The following PHKB variants were observed in gnomAD, a reference collection of about 807,000 sequenced individuals.
PHKB encodes the protein phosphorylase kinase regulatory subunit beta, also known as phosphorylase b kinase regulatory subunit beta.
In PHKB, 122 loss-of-function variants were observed where a neutral mutation model predicts 152.1. The ratio of observed to expected loss-of-function variants is 0.80; its 90% confidence interval spans 0.69 to 0.93. The LOEUF is 0.93. PHKB is among the 40% of genes least tolerant of loss of function. The probability of loss-of-function intolerance (pLI) is 0.00; values close to 1 mark genes in which losing one functional copy is unlikely to be tolerated. For missense variants in PHKB, 1,304 were observed against 1,328.4 expected, an observed-to-expected ratio of 0.98 and a Z score of 0.29; for synonymous variants, 436 against 464.9, an observed-to-expected ratio of 0.94 and a Z score of 0.80.
At chr16:47,670,974 C>T (rs192356277) in intron 26 of PHKB, among the ~76,000 whole-genome samples, 1 of 152,214 alleles carries the variant, frequency 6.6e-6, no homozygotes, top group Admixed American at 6.5e-5. Flanking sequence ...ATATTATCAT[C>T]TGGTCCGTCT....
At chr16:47,485,901 G>A (rs757674921) in intron 1 of PHKB, among the ~76,000 whole-genome samples, 44 of 151,572 alleles carry the variant, frequency 2.9e-4, no homozygotes, top group Non-Finnish European at 4.3e-4. Flanking sequence ...GATTATAGGC[G>A]TGAGCCACTG....
chr16:47,501,557 A>C (rs1364101076), intron 3 of PHKB, among the ~76,000 whole-genome samples: 1 of 152,168 alleles, frequency 6.6e-6, no homozygotes. Context: ...TTTTCTAGAG[A>C]TACTTCTGAA....
chr16:47,645,453 C>T (rs1468563504), intron 16 of PHKB, among the ~76,000 whole-genome samples: 18 of 111,398 alleles, frequency 1.6e-4, no homozygotes, highest in Admixed American at 2.0e-4. Flanking sequence ...TTTCCCAGCA[C>T]CATTTATTAA....
At chr16:47,591,038 A>G (rs558345286) in intron 10 of PHKB, among the ~76,000 whole-genome samples, 1 of 152,222 alleles carries the variant, frequency 6.6e-6, no homozygotes, top group South Asian at 2.1e-4. Context: ...CATCCTGTGT[A>G]TACCCCATCC....
At chr16:47,666,121 T>C (rs1973534583) in intron 25 of PHKB, 2 of 859,424 alleles carry the variant, frequency 2.3e-6, no homozygotes, top group East Asian at 2.5e-5. Flanking sequence ...CAAACCTCAA[T>C]GTCATAGGCC....
At chr16:47,610,220 A>G (rs1269779062) in intron 13 of PHKB, among the ~76,000 whole-genome samples, 1 of 130,946 alleles carries the variant, frequency 7.6e-6, no homozygotes, top group Non-Finnish European at 1.5e-5. Flanking sequence ...CATGTTGGCC[A>G]GGCTGGTCTC....
intron 26 of PHKB, among the ~76,000 whole-genome samples, chr16:47,673,611 C>T (rs887382932): frequency 6.6e-6 from 1 of 152,198 alleles, no homozygotes; most frequent in South Asian, 2.1e-4. Context: ...GCCTTACAAT[C>T]GTACATCTCT....
chr16:47,682,777 T>A (rs1303838345), intron 26 of PHKB, among the ~76,000 whole-genome samples: 1 of 152,252 alleles, frequency 6.6e-6, no homozygotes, highest in Non-Finnish European at 1.5e-5. Context: ...AAAGTCATTC[T>A]CTGTCCAGCT....
At chr16:47,615,572 T>G (rs1359500745) in intron 14 of PHKB, among the ~76,000 whole-genome samples, 1 of 152,216 alleles carries the variant, frequency 6.6e-6, no homozygotes, top group Admixed American at 6.5e-5. Context: ...TTTCTATGCC[T>G]ATTGGTTATT....
Position 47,497,491 on chromosome 16 carries a change from G to A in PHKB, c.166+3G>A, listed in dbSNP as rs760881328. The stretch of plus-strand genomic sequence containing the variant: ...GTTGGACCATTATTACAGAATTGGT[G>A]AGTAAAACCTGAGGAAAACGTGTCC... On this transcript the variant is annotated splice_donor_region_variant and intron_variant, in intron 2 of 30. Transcript: ENST00000323584. 7 of 1,570,572 alleles carry A rather than the reference G, an allele frequency of 4.5e-6. No homozygotes were observed. In the African/African-American group the frequency reaches 8.1e-5, roughly 18 times the overall value.
chr16:47,673,084 T>C (rs1973664502), intron 26 of PHKB, among the ~76,000 whole-genome samples: 2 of 152,118 alleles, frequency 1.3e-5, no homozygotes, highest in South Asian at 4.1e-4. Flanking sequence ...TCTCACGAGA[T>C]CAGTTCTAAC....
At chr16:47,653,095 C>A (rs1973268498) in intron 20 of PHKB, among the ~76,000 whole-genome samples, 1 of 151,964 alleles carries the variant, frequency 6.6e-6, no homozygotes, top group Non-Finnish European at 1.5e-5. Context: ...TTGTAGAAAG[C>A]CTCAGATGCC....
intron 22 of PHKB, 126 bp downstream of exon 22, chr16:47,660,945 G>A: frequency 2.2e-6 from 2 of 907,214 alleles, no homozygotes; most frequent in Non-Finnish European, 3.6e-6. Flanking sequence ...TGGATGACTT[G>A]TCTACTCCCA....
At chr16:47,467,746 A>G (rs969404728) in intron 1 of PHKB, among the ~76,000 whole-genome samples, 9 of 152,194 alleles carry the variant, frequency 5.9e-5, no homozygotes, top group Non-Finnish European at 1.2e-4. Flanking sequence ...AAGTGGTTTC[A>G]TGAAGAGCAC....
chr16:47,583,548 A>G (rs1971884506), intron 8 of PHKB, among the ~76,000 whole-genome samples: 1 of 151,076 alleles, frequency 6.6e-6, no homozygotes, highest in Non-Finnish European at 1.5e-5. Context: ...GGAAGACCTG[A>G]TCGTGTGTCT....
chr16:47,600,202 A>G (rs1217004435), intron 13 of PHKB, among the ~76,000 whole-genome samples: 1 of 152,218 alleles, frequency 6.6e-6, no homozygotes, highest in Non-Finnish European at 1.5e-5. Context: ...TCAATTGTTA[A>G]AGAAAAGACA....
At chr16:47,515,749 G>A (rs1970585292) in intron 6 of PHKB, 148 bp downstream of exon 6, 1 of 643,118 alleles carries the variant, frequency 1.6e-6, no homozygotes, top group South Asian at 1.8e-5. Flanking sequence ...GTTGTTGAAT[G>A]AAAAAGTCTT....
chr16:47,567,918 C>T (rs960480524), intron 7 of PHKB, among the ~76,000 whole-genome samples: 6 of 152,094 alleles, frequency 3.9e-5, no homozygotes, highest in South Asian at 4.1e-4. Context: ...ATCTTTTCAA[C>T]GCGCTGTTGG....
chr16:47,461,804 T>G (rs539411404), intron 1 of PHKB, among the ~76,000 whole-genome samples: 7 of 152,310 alleles, frequency 4.6e-5, no homozygotes, highest in Non-Finnish European at 7.3e-5. Flanking sequence ...AAAAGTCAGA[T>G]AGCTTAATCA....
Sources: gnomAD v4.1 joint callset for allele counts (sites outside exome capture counted in the v4.1 genomes callset) on GRCh38, gnomAD v4.1.1 for gene constraint, MANE v1.5 for transcripts, NCBI Gene and HGNC (gene_info 2026-07-23, HGNC 2026-07-21) for gene names.